SATB1: variants seen among roughly 807,000 people sequenced by gnomAD.
SATB1 encodes the protein SATB homeobox 1, also known as DNA-binding protein SATB1.
Under a neutral mutation model 86.9 loss-of-function variants are expected in SATB1, and 11 were observed. The ratio of observed to expected loss-of-function variants is 0.13; its 90% CI spans 0.08 to 0.21. The LOEUF (loss-of-function observed/expected upper bound fraction) is 0.21. SATB1 is among the 10% of genes least tolerant of loss of function. The pLI is 1.00. For missense variants in SATB1, 551 were observed against 937.6 expected (o/e 0.59, Z 5.39); for synonymous variants, 357 against 357.2 (o/e 1.00, Z 0.01).
intron 9 of SATB1, among the ~76,000 whole-genome samples, chr3:18,365,294 G>A (rs565435809): frequency 1.3e-5 from 2 of 152,254 alleles, no homozygotes; most frequent in African/African-American, 4.8e-5. Flanking sequence ...AAGATTAGCA[G>A]AGTATCCTTT....
rs771772657 is a variant in SATB1, at chr3:18,397,313, T to A, written c.640-23A>T. 3 of 1,262,548 alleles carry A rather than the reference T, an allele frequency of 2.4e-6. No individual in the cohort carries two copies. In the African/African-American group the frequency reaches 4.4e-5, roughly 19 times the overall value. 78.2% of individuals were successfully genotyped at this position (1,262,548 alleles called of 1,614,324 possible). ...ACTCTGCATGAAGAAGGGGGGAGAATATTTGTAATACACAGCAGCACAAGA... is the reference window on the plus strand; with the variant it reads ...ACTCTGCATGAAGAAGGGGGGAGAAAATTTGTAATACACAGCAGCACAAGA... On this transcript the variant is annotated intron_variant, in intron 5 of 10. Transcript: ENST00000338745.
At chr3:18,385,753 T>C (rs1268921995) in intron 8 of SATB1, among the ~76,000 whole-genome samples, 1 of 152,214 alleles carries the variant, frequency 6.6e-6, no homozygotes, top group Non-Finnish European at 1.5e-5. Flanking sequence ...GAGGTTACTT[T>C]TAAAACTTAG....
At chr3:18,354,977 C>T (rs1047534122) in intron 9 of SATB1, among the ~76,000 whole-genome samples, 2 of 151,938 alleles carry the variant, frequency 1.3e-5, no homozygotes, top group Non-Finnish European at 2.9e-5. Context: ...TAACCTCTGC[C>T]CTTAAATAAT....
At chr3:18,398,212 T>G (rs1697062600) in intron 5 of SATB1, among the ~76,000 whole-genome samples, 1 of 152,302 alleles carries the variant, frequency 6.6e-6, no homozygotes, top group African/African-American at 2.4e-5. Flanking sequence ...GAGGGTTTCT[T>G]TTTTTAAATC....
chr3:18,404,969 T>C (rs1697449140), intron 5 of SATB1, among the ~76,000 whole-genome samples: 2 of 152,000 alleles, frequency 1.3e-5, no homozygotes, highest in Non-Finnish European at 2.9e-5. Flanking sequence ...GTCTATGAAA[T>C]CTGTATGTCT....
rs546464926 is a variant in SATB1, at chr3:18,422,389, C to G, written c.-25+1238G>C. On this transcript the variant is annotated intron_variant, in intron 1 of 10. Coordinates refer to ENST00000338745, the MANE Select transcript of SATB1 (RefSeq NM_002971.6). ...CAATGTTAATCTGGAAGTTTAAAAG[C>G]AACCTTAAGAATGCCAATTGAAGAA... 2.0e-5 allele frequency among the ~76,000 whole-genome samples: 3 copies of G among 152,218 alleles called. No individual in the cohort carries two copies. The East Asian group carries it at 5.8e-4, about 29-fold the overall frequency.
upstream of SATB1, among the ~76,000 whole-genome samples, chr3:18,441,848 C>T (rs1699251396): frequency 1.3e-5 from 2 of 152,164 alleles, no homozygotes; most frequent in South Asian, 4.1e-4. Context: ...ATTTCTTTAC[C>T]ATCACTCAGC....
upstream of SATB1, among the ~76,000 whole-genome samples, chr3:18,441,008 T>A (rs1320972297): frequency 3.3e-5 from 5 of 152,222 alleles, no homozygotes; most frequent in African/African-American, 4.8e-5. Context: ...CTGGCACCTT[T>A]AATATTTTGC....
chr3:18,391,243 C>G (rs1243955511), intron 7 of SATB1, among the ~76,000 whole-genome samples: 1 of 152,096 alleles, frequency 6.6e-6, no homozygotes, highest in Non-Finnish European at 1.5e-5. Context: ...TTATACAGAG[C>G]TTCAATGACT....
chr3:18,352,366 T>G lies in SATB1; in HGVS notation c.1576-171A>C. ...TGTTAAGAGAGGTTATCTGTGGCTG[T>G]CAAGGAGGCAGACTCTGTTTCTAAT... On this transcript the variant is annotated intron_variant, in intron 9 of 10. Transcript: ENST00000338745. This position sits in a 1 kb window ranked among gnomAD's most constrained non-coding sequence, Gnocchi z 4.1. The G allele has an allele frequency of 1.7e-6, 1 of 591,884 alleles. No homozygotes were observed. The highest frequency in any genetic ancestry group is 3.0e-6 in the Non-Finnish European group (1 of 336,242). The allele number at this position is 591,884 out of a possible 1,614,324, so 36.7% of individuals were successfully genotyped here.
chr3:18,402,663 A>G (rs1246384537), intron 5 of SATB1, among the ~76,000 whole-genome samples: 1 of 152,126 alleles, frequency 6.6e-6, no homozygotes, highest in Non-Finnish European at 1.5e-5. Flanking sequence ...AGTATTTCAT[A>G]TGATCTACAT....
intron 5 of SATB1, among the ~76,000 whole-genome samples, chr3:18,407,792 C>T (rs571359074): frequency 2.2e-4 from 34 of 151,966 alleles, no homozygotes; most frequent in Non-Finnish European, 4.3e-4. Context: ...TCTAAAGAAA[C>T]AGTCCCATTA....
At chr3:18,387,065 T>G (rs1696381767) in intron 7 of SATB1, among the ~76,000 whole-genome samples, 2 of 152,174 alleles carry the variant, frequency 1.3e-5, no homozygotes, top group South Asian at 2.1e-4. Flanking sequence ...GAAAATGAAT[T>G]TTAACATATT....
At chr3:18,445,374 A>T in intron 1 of SATB1, 4 of 735,580 alleles carry the variant, frequency 5.4e-6, no homozygotes, top group Non-Finnish European at 6.6e-6. Context: ...GGCGGGCCGG[A>T]GGGGCGAGGG....
chr3:18,349,795 G>T lies in SATB1; in HGVS notation c.1780-113C>A, dbSNP rs1182690888. On this transcript the variant is annotated intron_variant, in intron 10 of 10. Coordinates refer to ENST00000338745, the MANE Select transcript of SATB1 (RefSeq NM_002971.6). The surrounding 1 kb of genome is among the most constrained non-coding windows in gnomAD (Gnocchi z 5.5). ...ATCCTACATATAGCTTCTTTGATAG[G>T]GATGAAGATTTAGAAAGAAAAGGTA... 7.7e-6 allele frequency: 11 copies of T among 1,437,288 alleles called. No individual in the cohort carries two copies. Among genetic ancestry groups the T allele is most frequent in the African/African-American group, 1.4e-5 (1 of 69,580 alleles). The allele number at this position is 1,437,288 out of a possible 1,614,324, so 89.0% of individuals were successfully genotyped here. A position where few individuals can be genotyped will look rare whatever the true frequency, so the allele number is the denominator to read the frequency against.
At chr3:18,361,002 T>C (rs1694880557) in intron 9 of SATB1, among the ~76,000 whole-genome samples, 1 of 152,024 alleles carries the variant, frequency 6.6e-6, no homozygotes, top group African/African-American at 2.4e-5. Context: ...GGGGACAATA[T>C]TTAAAACAGG....
intron 9 of SATB1, among the ~76,000 whole-genome samples, chr3:18,375,923 C>T (rs1057428080): frequency 4.6e-5 from 7 of 152,150 alleles, no homozygotes; most frequent in African/African-American, 4.8e-5. Context: ...CCATAGCCCA[C>T]TATTGGCCCC....
upstream of SATB1, among the ~76,000 whole-genome samples, chr3:18,426,230 G>A (rs1698696715): frequency 6.6e-6 from 1 of 152,214 alleles, no homozygotes. This position sits in a 1 kb window ranked among gnomAD's most constrained non-coding sequence, Gnocchi z 4.2. Flanking sequence ...ACATTAGAAA[G>A]AACTGAGTAA....
At position 18,349,250 on chromosome 3, in the gene SATB1, T is replaced by C. The variant is rs1271237750; in HGVS notation, c.2212A>G (p.Asn738Asp). 1 of 1,614,084 alleles carries C rather than the reference T, an allele frequency of 6.2e-7. No homozygotes were observed. The highest frequency in any genetic ancestry group is 8.5e-7 in the Non-Finnish European group (1 of 1,180,050). The change falls in exon 11 of 11, where the codon AAC becomes GAC. Residue 738 changes from asparagine (N) to aspartate (D), a missense_variant. Coordinates refer to ENST00000338745, the MANE Select transcript of SATB1 (RefSeq NM_002971.6). The surrounding 1 kb of genome is among the most constrained non-coding windows in gnomAD (Gnocchi z 5.5). The part of the protein sequence containing the change: ...LEESVQDKNT[N>D]TLFSVKLEEE... ...TCTAGTTTCACTGAAAAAAGGGTGT[T>C]AGTATTTTTATCTTGGACACTCTCT...
Sources: allele counts gnomAD v4.1 joint callset (sites outside exome capture counted in the v4.1 genomes callset), GRCh38; gene constraint gnomAD v4.1.1; non-coding constraint Gnocchi (gnomAD v3.1); transcripts MANE v1.5; gene names NCBI Gene and HGNC (gene_info 2026-07-23, HGNC 2026-07-21).